DOCK10: variants seen among roughly 807,000 people sequenced by gnomAD.
DOCK10 encodes the protein dedicator of cytokinesis 10.
A neutral mutation model predicts 280.1 loss-of-function variants in DOCK10; 145 were observed. That is an observed-to-expected ratio of 0.52 (90% confidence interval 0.45 to 0.59). The LOEUF (loss-of-function observed/expected upper bound fraction) is 0.59. Ranked by LOEUF, DOCK10 falls within the 20% of genes least tolerant of loss-of-function variation. The pLI is 0.00. For synonymous variants in DOCK10, 915 were observed against 942.2 expected, an observed-to-expected ratio of 0.97 and a Z score of 0.53; for missense variants, 2,368 against 2,651.7, an observed-to-expected ratio of 0.89 and a Z score of 2.35.
At chr2:224,859,190 C>CTGTCAGTATGGGA (rs1697343633) in intron 14 of DOCK10, among the ~76,000 whole-genome samples, 1 of 152,182 alleles carries the variant, frequency 6.6e-6, no homozygotes, top group Non-Finnish European at 1.5e-5. Flanking sequence ...TCTTAAATGA[C>CTGTCAGTATGGGA]AGCTGCACTG....
Position 224,773,139 on chromosome 2 carries a change from T to C in DOCK10, c.6204+18A>G. ...TCATTGGCCATGTGCATCTCAGCCC[T>C]GGGCAATGCTTACTCACCTTCACGC... On this transcript the variant is annotated intron_variant, in intron 53 of 55. Transcript: ENST00000258390. 6.3e-7 allele frequency: 1 copy of C among 1,592,468 alleles called. No individual in the cohort carries two copies.
intron 11 of DOCK10, among the ~76,000 whole-genome samples, chr2:224,870,937 C>G (rs1698241871): frequency 6.9e-6 from 1 of 144,132 alleles, no homozygotes; most frequent in Non-Finnish European, 1.5e-5. Context: ...GGCGATTCTT[C>G]TGCCTCAGCC....
intron 30 of DOCK10, among the ~76,000 whole-genome samples, chr2:224,814,600 C>G (rs2125281589): frequency 6.6e-6 from 1 of 152,272 alleles, no homozygotes; most frequent in East Asian, 1.9e-4. Context: ...TGGCTGACTG[C>G]AACCTCTGCC....
intron 3 of DOCK10, among the ~76,000 whole-genome samples, chr2:224,913,754 G>T (rs1701161846): frequency 6.6e-6 from 1 of 151,096 alleles, no homozygotes; most frequent in South Asian, 2.1e-4. Flanking sequence ...TTGAGACAGA[G>T]TCTCCCTCTG....
intron 1 of DOCK10, among the ~76,000 whole-genome samples, chr2:225,041,617 G>A (rs1690425875): frequency 6.6e-6 from 1 of 152,186 alleles, no homozygotes. Flanking sequence ...GAAACCGCTG[G>A]AGACCTAATG....
At chr2:225,034,115 A>G (rs1200505683) in intron 1 of DOCK10, among the ~76,000 whole-genome samples, 1 of 152,186 alleles carries the variant, frequency 6.6e-6, no homozygotes, top group African/African-American at 2.4e-5. Flanking sequence ...CTCTTCCTAT[A>G]ACTAGTACTC....
chr2:224,893,636 C>A, intron 4 of DOCK10: 1 of 457,416 alleles, frequency 2.2e-6, no homozygotes, highest in Non-Finnish European at 4.5e-6. Context: ...TCTTCAGTAT[C>A]TTCCTATGGA....
At chr2:224,906,414 C>A (rs1357332728) in intron 3 of DOCK10, among the ~76,000 whole-genome samples, 2 of 152,138 alleles carry the variant, frequency 1.3e-5, no homozygotes, top group African/African-American at 4.8e-5. Flanking sequence ...CTCTGGTATG[C>A]TTTTAGTTGT....
chr2:224,989,316 G>A (rs1173973566), intron 1 of DOCK10, among the ~76,000 whole-genome samples: 1 of 152,214 alleles, frequency 6.6e-6, no homozygotes, highest in Non-Finnish European at 1.5e-5. Context: ...CCAAGGCATA[G>A]GGTAGGAAAC....
intron 16 of DOCK10, 146 bp downstream of exon 16, chr2:224,854,817 G>GA (rs11378228): frequency 0.12 from 59,045 of 510,234 alleles, 1,898 homozygotes; most frequent in Non-Finnish European, 0.14. Flanking sequence ...CAACTTTTGG[G>GA]AAAAAAAAAA....
intron 7 of DOCK10, among the ~76,000 whole-genome samples, chr2:224,880,752 T>C (rs72972639): frequency 0.057 from 8,692 of 152,266 alleles, 294 homozygotes; most frequent in South Asian, 0.086. Flanking sequence ...AGAAAATCAC[T>C]CAAGCCAATG....
intron 26 of DOCK10, among the ~76,000 whole-genome samples, chr2:224,832,449 A>G (rs1455192616): frequency 6.6e-6 from 1 of 152,210 alleles, no homozygotes; most frequent in African/African-American, 2.4e-5. Flanking sequence ...AGTCATACAA[A>G]CAATGCTGCG....
At chr2:224,893,716 A>C (rs995424905) in intron 4 of DOCK10, 10 of 407,056 alleles carry the variant, frequency 2.5e-5, no homozygotes, top group African/African-American at 4.3e-5. Flanking sequence ...TAAAGAATAA[A>C]TTTCACCTTT....
chr2:224,873,903 A>T lies in DOCK10; in HGVS notation c.1257+93T>A, dbSNP rs370478618. 3.1e-6 allele frequency: 4 copies of T among 1,308,244 alleles called. No homozygotes were observed. The African/African-American group carries it at 4.4e-5, about 14-fold the overall frequency. The allele number at this position is 1,308,244 out of a possible 1,614,324, so 81.0% of individuals were successfully genotyped here. On this transcript the variant is annotated intron_variant, in intron 11 of 55. Coordinates refer to ENST00000258390, the MANE Select transcript of DOCK10 (RefSeq NM_014689.3). ...CTGGTACACTAGAGAGTGAGAAATCAGTGCCTGGAATTAGCAGGAATAGAA... is the reference window on the plus strand; with the variant it reads ...CTGGTACACTAGAGAGTGAGAAATCTGTGCCTGGAATTAGCAGGAATAGAA...
intron 28 of DOCK10, among the ~76,000 whole-genome samples, chr2:224,821,009 A>G (rs10179202): frequency 0.18 from 26,730 of 152,236 alleles, 3,514 homozygotes; most frequent in African/African-American, 0.37. Flanking sequence ...TCAGATAAGT[A>G]GAGCTGTGAC....
chr2:224,876,200 CA>C lies in DOCK10; in HGVS notation c.768del (p.Tyr256Ter). ...GVVQNNRLRK[Y>X]AFELKMNDLT... is the part of the protein sequence containing the mutation. ...AGATCATTCATTTTCAATTCAAAGGCATATTTTCTTAGTCTGTTATTCTGTG... is the reference window on the plus strand; with the variant it reads ...AGATCATTCATTTTCAATTCAAAGGCTATTTTCTTAGTCTGTTATTCTGTG... On this transcript the variant is annotated frameshift_variant, in exon 8 of 56. Transcript: ENST00000258390. LOFTEE classifies it high-confidence loss of function. 6 of 1,611,224 alleles carry C rather than the reference CA, an allele frequency of 3.7e-6. No individual in the cohort carries two copies. Among genetic ancestry groups the C allele is most frequent in the Non-Finnish European group, 5.1e-6 (6 of 1,178,578 alleles).
intron 3 of DOCK10, among the ~76,000 whole-genome samples, chr2:224,901,664 C>T (rs748567719): frequency 2.0e-5 from 3 of 152,138 alleles, no homozygotes; most frequent in Admixed American, 6.5e-5. Context: ...TTGAGATCCA[C>T]GGAATCAGAA....
intron 44 of DOCK10, among the ~76,000 whole-genome samples, chr2:224,796,042 A>G (rs1692548799): frequency 6.6e-6 from 1 of 151,124 alleles, no homozygotes; most frequent in East Asian, 1.9e-4. Flanking sequence ...TAAACAAAAT[A>G]AACAATTATT....
At chr2:224,955,858 C>T (rs1233564846) in intron 1 of DOCK10, among the ~76,000 whole-genome samples, 6 of 152,184 alleles carry the variant, frequency 3.9e-5, no homozygotes. Context: ...ACTGAAATAG[C>T]AGAGAAACAA....
Sources: allele counts gnomAD v4.1 joint callset (sites outside exome capture counted in the v4.1 genomes callset), GRCh38; gene constraint gnomAD v4.1.1; transcripts MANE v1.5; gene names NCBI Gene and HGNC (gene_info 2026-07-23, HGNC 2026-07-21).